The following DNAJA4 variants were observed in gnomAD, a reference collection of about 807,000 sequenced individuals.
DNAJA4 encodes DnaJ heat shock protein family (Hsp40) member A4, also known as dnaJ homolog subfamily A member 4.
A neutral mutation model predicts 39.7 loss-of-function variants in DNAJA4; 32 were observed. The ratio of observed to expected loss-of-function variants is 0.81; its 90% CI spans 0.61 to 1.08. The LOEUF (loss-of-function observed/expected upper bound fraction) is 1.08. DNAJA4 is among the 50% of genes least tolerant of loss of function. The pLI, the probability that DNAJA4 is intolerant of heterozygous loss-of-function variation, is 0.00. For missense variants in DNAJA4, 439 were observed against 505.1 expected, an observed-to-expected ratio of 0.87 and a Z score of 1.25; for synonymous variants, 184 against 182.4, an observed-to-expected ratio of 1.01 and a Z score of -0.07.
intron 1 of DNAJA4, chr15:78,270,292 C>T (rs1458032057): frequency 3.7e-6 from 2 of 544,736 alleles, no homozygotes; most frequent in African/African-American, 3.8e-5. Context: ...CCACCAGTCC[C>T]TTAATATGTT....
chr15:78,267,310 T>C (rs1043865001), intron 1 of DNAJA4, among the ~76,000 whole-genome samples: 4 of 152,118 alleles, frequency 2.6e-5, no homozygotes, highest in African/African-American at 9.7e-5. Context: ...TCTTCAAAAA[T>C]AGACTACACC....
chr15:78,280,131 A>G lies in DNAJA4; in HGVS notation c.964A>G (p.Ile322Val). ...YKAPLEKGIL[I>V]IQFLVIFPEK... is the part of the protein sequence containing the mutation. Reference sequence around the variant, plus strand: ...AGCACCCCTGGAAAAAGGGATTCTGATCATACAGTTTTTAGTAAGTTCACT... The same window carrying G: ...AGCACCCCTGGAAAAAGGGATTCTGGTCATACAGTTTTTAGTAAGTTCACT... Residue 322 changes from isoleucine (I) to valine (V), a missense_variant, in exon 6 of 7, where the codon ATC (isoleucine) becomes GTC (valine). Coordinates refer to ENST00000394852, the MANE Select transcript of DNAJA4 (RefSeq NM_001130182.2). The G allele has an allele frequency of 6.2e-7, 1 of 1,614,206 alleles. No homozygotes were observed. Among genetic ancestry groups the G allele is most frequent in the Non-Finnish European group, 8.5e-7 (1 of 1,180,018 alleles).
At chr15:78,268,638 T>C (rs915815367) in intron 1 of DNAJA4, among the ~76,000 whole-genome samples, 1 of 152,214 alleles carries the variant, frequency 6.6e-6, no homozygotes, top group Non-Finnish European at 1.5e-5. Context: ...TATTTGTCTC[T>C]CCGACTAAAC....
chr15:78,277,579 T>C (rs1266545398), intron 5 of DNAJA4, among the ~76,000 whole-genome samples: 1 of 152,206 alleles, frequency 6.6e-6, no homozygotes, highest in African/African-American at 2.4e-5. Flanking sequence ...CACCCTGGCA[T>C]TGTGTCCAAG....
rs1409538863 is a variant in DNAJA4, at chr15:78,279,442, G to GT, written c.878-602dup. On this transcript the variant is annotated intron_variant, in intron 5 of 6. Transcript: ENST00000394852. The surrounding 1 kb of genome is among the most constrained non-coding windows in gnomAD (Gnocchi z 4.5). ...TGATGCCTTCCAAAGTCACGTAGCT[G>GT]TAAGACCCAGCGGGTGCCAGCCGGG... 6.4e-6 allele frequency: 1 copy of GT among 155,312 alleles called. No homozygotes were observed. The highest frequency in any genetic ancestry group is 1.4e-5 in the Non-Finnish European group (1 of 69,848). The allele number at this position is 155,312 out of a possible 1,614,324, so 9.6% of individuals were successfully genotyped here.
chr15:78,280,287 C>T lies in DNAJA4; in HGVS notation c.1021C>T (p.Pro341Ser), dbSNP rs763055743. The change falls in exon 7 of 7, where the codon CCT becomes TCT. Residue 341 changes from proline to serine, a missense_variant. Physicochemically the swap from Pro to Ser is moderately conservative, Grantham distance 74. Coordinates refer to ENST00000394852, the MANE Select transcript of DNAJA4 (RefSeq NM_001130182.2). ...ACACTGGCTTTCTCTGGAAAAGCTT[C>T]CTCAGCTGGAAGCTTTACTCCCTCC... The part of the protein sequence containing the change: ...EKHWLSLEKL[P>S]QLEALLPPRQ... 25 of 1,614,096 alleles carry T rather than the reference C, an allele frequency of 1.5e-5. No individual in the cohort carries two copies. Among genetic ancestry groups the T allele is most frequent in the Non-Finnish European group, 1.0e-5 (12 of 1,180,052 alleles).
At position 78,264,604 on chromosome 15, in the gene DNAJA4, G is replaced by C. The variant is rs1041837940; in HGVS notation, c.-160G>C. The C allele has an allele frequency of 1.8e-6, 2 of 1,141,018 alleles. No homozygotes were observed. The highest frequency in any genetic ancestry group is 1.7e-5 in the African/African-American group (1 of 60,322). 70.7% of individuals were successfully genotyped at this position (1,141,018 alleles called of 1,614,324 possible). A position where few individuals can be genotyped will look rare whatever the true frequency, so the allele number is the denominator to read the frequency against. On this transcript the variant is annotated 5_prime_UTR_variant, in exon 1 of 7. Transcript: ENST00000394852. ...CGTGGAAGTCGGTCCGGCGCGGGGC[G>C]GGGGGCGGGCGGGAGCTACAAGCGG... is the stretch of plus-strand genomic sequence containing the variant.
intron 5 of DNAJA4, among the ~76,000 whole-genome samples, chr15:78,276,929 T>G (rs1934778748): frequency 2.0e-5 from 3 of 152,208 alleles, no homozygotes; most frequent in South Asian, 4.1e-4. Flanking sequence ...CCTTGTGCTC[T>G]TTTTCTCTTT....
intron 1 of DNAJA4, among the ~76,000 whole-genome samples, chr15:78,267,201 TGTGA>T (rs1263803720): frequency 2.0e-5 from 3 of 146,786 alleles, no homozygotes; most frequent in Admixed American, 1.3e-4. Flanking sequence ...TGAGTGTGTA[TGTGA>T]GTGTGTATGT....
At position 78,264,589 on chromosome 15, in the gene DNAJA4, G is replaced by T; in HGVS notation, c.-175G>T. On this transcript the variant is annotated 5_prime_UTR_variant, in exon 1 of 7. Transcript: ENST00000394852. Reference sequence around the variant, plus strand: ...TGCGGTGGAGCCAGGCGTGGAAGTCGGTCCGGCGCGGGGCGGGGGGCGGGC... The same window carrying T: ...TGCGGTGGAGCCAGGCGTGGAAGTCTGTCCGGCGCGGGGCGGGGGGCGGGC... 8.5e-7 allele frequency: 1 copy of T among 1,181,060 alleles called. No individual in the cohort carries two copies. Among genetic ancestry groups the T allele is most frequent in the Non-Finnish European group, 1.0e-6 (1 of 955,716 alleles). 73.2% of individuals were successfully genotyped at this position (1,181,060 alleles called of 1,614,324 possible). A position where few individuals can be genotyped will look rare whatever the true frequency, so the allele number is the denominator to read the frequency against.
At chr15:78,277,765 C>T (rs962540198) in intron 5 of DNAJA4, 5 of 324,218 alleles carry the variant, frequency 1.5e-5, no homozygotes, top group Admixed American at 4.3e-5. Context: ...CCTAGGGAGC[C>T]GGGAGCCAAA....
At position 78,270,541 on chromosome 15, in the gene DNAJA4, G is replaced by A. The variant is rs2049264461; in HGVS notation, c.177G>A (p.Lys59=). The part of the protein sequence containing the change: ...SQAYEVLSDP[K]KRDVYDQGGE... ...CATATGAAGTGCTTTCAGATCCAAA[G>A]AAAAGGGATGTTTATGACCAAGGCG... The change falls in exon 2 of 7, where the codon AAG becomes AAA. Residue 59 remains lysine, a synonymous_variant. Coordinates refer to ENST00000394852, the MANE Select transcript of DNAJA4 (RefSeq NM_001130182.2). 1.2e-6 allele frequency: 2 copies of A among 1,614,152 alleles called. No individual in the cohort carries two copies. Among genetic ancestry groups the A allele is most frequent in the Admixed American group, 1.7e-5 (1 of 60,022 alleles).
intron 1 of DNAJA4, chr15:78,265,705 C>G (rs1343593368): frequency 1.4e-6 from 1 of 697,996 alleles, no homozygotes; most frequent in East Asian, 2.7e-5. Context: ...TGAGGCATTG[C>G]AAGGAAAGGC....
At chr15:78,264,254 C>G, upstream of DNAJA4, 1 of 1,178,922 alleles carries the variant, frequency 8.5e-7, no homozygotes, top group Non-Finnish European at 1.1e-6. Context: ...GGCCTCGGGG[C>G]GGCGGGACAG....
chr15:78,280,210 A>G (rs2049615239), intron 6 of DNAJA4, 35 bp from the exon 7 acceptor site: 1 of 1,611,528 alleles, frequency 6.2e-7, no homozygotes, highest in African/African-American at 1.3e-5. Flanking sequence ...AGGGGAAAAA[A>G]CAGCCACCTT....
Position 78,264,712 on chromosome 15 carries a change from G to A in DNAJA4, c.-52G>A. ...GGGGCGCGGGCCAGGGTGCCGGCAG[G>A]GGCGTCCGGGGCGCTCTGACCGGCC... On this transcript the variant is annotated 5_prime_UTR_variant, in exon 1 of 7. Coordinates refer to ENST00000394852, the MANE Select transcript of DNAJA4 (RefSeq NM_001130182.2). 11 of 1,380,136 alleles carry A rather than the reference G, an allele frequency of 8.0e-6. No individual in the cohort carries two copies. Among genetic ancestry groups the A allele is most frequent in the Non-Finnish European group, 1.0e-5 (11 of 1,049,404 alleles). 85.5% of individuals were successfully genotyped at this position (1,380,136 alleles called of 1,614,324 possible). A position where few individuals can be genotyped will look rare whatever the true frequency, so the allele number is the denominator to read the frequency against.
At chr15:78,264,437 C>A, upstream of DNAJA4, 1 of 1,331,274 alleles carries the variant, frequency 7.5e-7, no homozygotes, top group South Asian at 1.9e-5. Flanking sequence ...GGGTCTGGGC[C>A]GCGAACCCGC....
In DNAJA4 at chr15:78,274,300, C is replaced by G. The variant is rs145486024; in HGVS notation, c.522C>G (p.Ile174Met). 252 of 1,614,042 alleles carry G rather than the reference C, an allele frequency of 1.6e-4. No individual in the cohort carries two copies. The highest frequency in any genetic ancestry group is 2.0e-4 in the Non-Finnish European group (240 of 1,180,048). The change falls in exon 4 of 7, where the codon ATC becomes ATG. Residue 174 changes from isoleucine to methionine, a missense_variant. Ile to Met is a conservative substitution (Grantham distance 10, BLOSUM62 1). Transcript: ENST00000394852. The stretch of plus-strand genomic sequence containing the variant: ...TCGGGCCGGGCATGGTACAGCAGAT[C>G]CAGACCGTGTGCATCGAGTGCAAGG... ...QQIGPGMVQQ[I>M]QTVCIECKGQ... is the part of the protein sequence containing the mutation.
At position 78,282,024 on chromosome 15, in the gene DNAJA4, T is replaced by C. The variant is rs1300545616; in HGVS notation, c.*1564T>C. On this transcript the variant is annotated 3_prime_UTR_variant, in exon 7 of 7. Coordinates refer to ENST00000394852, the MANE Select transcript of DNAJA4 (RefSeq NM_001130182.2). The stretch of plus-strand genomic sequence containing the variant: ...CCACAACTCTGGGGTGTCGTTTTTG[T>C]GCTGTGACTTCCTAATTATTGCTAA... The C allele has an allele frequency of 6.6e-6, 1 of 152,250 alleles. No homozygotes were observed. The highest frequency in any genetic ancestry group is 1.5e-5 in the Non-Finnish European group (1 of 68,040). The allele number at this position is 152,250 out of a possible 1,614,324, so 9.4% of individuals were successfully genotyped here.
Sources: gnomAD v4.1 joint callset for allele counts (sites outside exome capture counted in the v4.1 genomes callset) on GRCh38, gnomAD v4.1.1 for gene constraint, Gnocchi (gnomAD v3.1) non-coding constraint, MANE v1.5 for transcripts, NCBI Gene and HGNC (gene_info 2026-07-23, HGNC 2026-07-21) for gene names.